The following PTRH1 variants were observed in gnomAD, a reference collection of about 807,000 sequenced individuals.
PTRH1 encodes peptidyl-tRNA hydrolase.
Under a neutral mutation model 15.7 loss-of-function variants are expected in PTRH1, and 13 were observed. The observed-to-expected ratio is 0.83, with a 90% CI of 0.54 to 1.31. The LOEUF (loss-of-function observed/expected upper bound fraction) is 1.31, where lower values mean the gene tolerates loss of function less well. Ranked by LOEUF, PTRH1 falls within the 40% of genes most tolerant of loss-of-function variation. The probability of loss-of-function intolerance (pLI) is 0.00; values close to 1 mark genes in which losing one functional copy is unlikely to be tolerated. For missense variants in PTRH1, 319 were observed against 296.2 expected (o/e 1.08, Z -0.56); for synonymous variants, 139 against 136.7 (o/e 1.02, Z -0.12).
chr9:127,711,401 C>A (rs1315778884), downstream of PTRH1: 1 of 1,614,204 alleles, frequency 6.2e-7, no homozygotes. Context: ...GGAGAATGAG[C>A]AGCTCAAGGG....
At chr9:127,708,795 A>G (rs1447683875) in intron 1 of PTRH1, among the ~76,000 whole-genome samples, 1 of 152,264 alleles carries the variant, frequency 6.6e-6, no homozygotes, top group Non-Finnish European at 1.5e-5. Context: ...AATGTGGCTC[A>G]GGGCCAAGAA....
downstream of PTRH1, chr9:127,709,458 G>A: frequency 1.2e-6 from 2 of 1,613,916 alleles, no homozygotes; most frequent in Non-Finnish European, 8.5e-7. This position sits in a 1 kb window ranked among gnomAD's most constrained non-coding sequence, Gnocchi z 4.7. Context: ...CTGTGCAGGA[G>A]AAGATGTTCC....
At chr9:127,706,947 T>G (rs536066815) in intron 1 of PTRH1, 24 of 1,519,494 alleles carry the variant, frequency 1.6e-5, no homozygotes, top group Middle Eastern at 3.5e-4. Context: ...CCTCACTCCC[T>G]CGGCCTGTTG....
At position 127,715,091 on chromosome 9, in the gene PTRH1, G is replaced by C; in HGVS notation, c.200C>G (p.Thr67Arg). Residue 67 changes from threonine (T) to arginine (R), a missense_variant, in exon 2 of 5, where the codon ACG becomes AGG. Thr to Arg is a moderately conservative substitution (Grantham distance 71). Transcript: ENST00000543175. This position sits in a 1 kb window ranked among gnomAD's most constrained non-coding sequence, Gnocchi z 5.8. ...ARRLGVAESW[T>R]RDRHCAADLA... ...GTCGGCGGCACAGTGCCGGTCGCGCGTCCAACTCTCCGCCACACCCAGCCG... is the reference window on the plus strand; with the variant it reads ...GTCGGCGGCACAGTGCCGGTCGCGCCTCCAACTCTCCGCCACACCCAGCCG... 6.5e-7 allele frequency: 1 copy of C among 1,532,734 alleles called. No individual in the cohort carries two copies. Among genetic ancestry groups the C allele is most frequent in the Non-Finnish European group, 8.7e-7 (1 of 1,145,564 alleles). The allele number at this position is 1,532,734 out of a possible 1,614,324, so 94.9% of individuals were successfully genotyped here. A position where few individuals can be genotyped will look rare whatever the true frequency, so the allele number is the denominator to read the frequency against.
exon 2 of PTRH1, chr9:127,695,053 T>TTGATGATGATGATGA (rs57076743): frequency 5.0e-4 from 335 of 671,810 alleles, no homozygotes; most frequent in African/African-American, 4.9e-3. Flanking sequence ...GGCTCAGCCA[T>TTGATGATGATGATGA]TGATGATGAT....
At chr9:127,697,495 A>G (rs549061984) in intron 1 of PTRH1, among the ~76,000 whole-genome samples, 2 of 152,124 alleles carry the variant, frequency 1.3e-5, no homozygotes, top group African/African-American at 4.8e-5. Flanking sequence ...CCCCATCTCT[A>G]CAAAAAAAAA....
chr9:127,700,486 C>A (rs993599864), intron 1 of PTRH1, among the ~76,000 whole-genome samples: 1 of 152,116 alleles, frequency 6.6e-6, no homozygotes, highest in Non-Finnish European at 1.5e-5. Flanking sequence ...CCCAGAAAAA[C>A]CTTAAAAACA....
At chr9:127,707,530 C>A (rs1442265089) in intron 1 of PTRH1, among the ~76,000 whole-genome samples, 5 of 152,132 alleles carry the variant, frequency 3.3e-5, no homozygotes, top group Admixed American at 2.0e-4. Context: ...AGCCCTCTGG[C>A]AGGCGGGTGG....
intron 1 of PTRH1, chr9:127,695,307 A>G: frequency 1.7e-6 from 1 of 585,914 alleles, no homozygotes; most frequent in Non-Finnish European, 3.0e-6. Flanking sequence ...ACACTTAACA[A>G]TGAGTGAAAA....
chr9:127,712,214 G>C (rs1842782199), downstream of PTRH1: 1 of 1,613,866 alleles, frequency 6.2e-7, no homozygotes, highest in Non-Finnish European at 8.5e-7. Context: ...AGAGAGACCA[G>C]CTGAGCCTGC....
chr9:127,714,614 C>G lies in PTRH1; in HGVS notation c.405G>C (p.Gly135=). Residue 135 remains glycine, a synonymous_variant, in exon 3 of 5, where the codon GGG becomes GGC. Coordinates refer to ENST00000543175, the MANE Select transcript of PTRH1 (RefSeq NM_001002913.3). ...KPLGRLALKL[G]GSARGHNGVR... ...TCTCAGGACCTCACCTGGCACTGCC[C>G]CCCAGCTTCAGAGCCAGTCTCCCCA... The G allele has an allele frequency of 6.2e-7, 1 of 1,613,892 alleles. No homozygotes were observed. Among genetic ancestry groups the G allele is most frequent in the Non-Finnish European group, 8.5e-7 (1 of 1,179,832 alleles).
chr9:127,713,629 C>G (rs1325866164), downstream of PTRH1: 1 of 463,144 alleles, frequency 2.2e-6, no homozygotes, highest in East Asian at 4.4e-5. Context: ...GCCTCAGTCT[C>G]CCAAGTAGCA....
chr9:127,694,991 T>C lies in PTRH1; in HGVS notation c.356A>G (p.Tyr119Cys), dbSNP rs760624638. 18 of 702,832 alleles carry C rather than the reference T, an allele frequency of 2.6e-5. No homozygotes were observed. In the African/African-American group the frequency reaches 2.8e-4, roughly 11 times the overall value. 43.5% of individuals were successfully genotyped at this position (702,832 alleles called of 1,614,324 possible). The change falls in exon 2 of 3, where the codon TAC becomes TGC. Residue 119 changes from tyrosine to cysteine, a missense_variant. By Grantham distance (194) the Tyr-to-Cys change is radical. Coordinates refer to the PTRH1 transcript ENST00000335223. The stretch of plus-strand genomic sequence containing the variant: ...TGACAGGTGACTTTGTTCCCTCCTG[T>C]AGTGCCCGTGGAGGCGGGAAGCTGA...
downstream of PTRH1, chr9:127,712,590 G>A: frequency 6.3e-7 from 1 of 1,577,630 alleles, no homozygotes; most frequent in Non-Finnish European, 8.6e-7. Context: ...CTGAAGAATG[G>A]GTATCCCACC....
At chr9:127,709,906 G>A (rs1451171753), downstream of PTRH1, among the ~76,000 whole-genome samples, 1 of 152,196 alleles carries the variant, frequency 6.6e-6, no homozygotes, top group African/African-American at 2.4e-5. This position sits in a 1 kb window ranked among gnomAD's most constrained non-coding sequence, Gnocchi z 4.7. Context: ...CGTGACCAAG[G>A]TCCCCCAGTT....
At chr9:127,702,087 A>C (rs536768768) in intron 1 of PTRH1, among the ~76,000 whole-genome samples, 13 of 150,930 alleles carry the variant, frequency 8.6e-5, no homozygotes, top group Non-Finnish European at 1.8e-4. Flanking sequence ...AATTAGCCAG[A>C]GGTAGGCTGG....
downstream of PTRH1, chr9:127,712,440 A>G (rs1842788407): frequency 6.6e-7 from 1 of 1,521,556 alleles, no homozygotes; most frequent in Admixed American, 2.1e-5. Context: ...CCTCAGGATC[A>G]GAGGCCCCTC....
rs772492545 is a variant in PTRH1, at chr9:127,714,200, G to A, written c.545C>T (p.Pro182Leu). 13 of 1,613,838 alleles carry A rather than the reference G, an allele frequency of 8.1e-6. No homozygotes were observed. The highest frequency in any genetic ancestry group is 4.4e-5 in the South Asian group (4 of 91,088). ...VQAHVLGCFSPAEQELLPLLL... is the reference protein window; with the variant it reads ...VQAHVLGCFSLAEQELLPLLL... ...CAGAGGCAGCAGCTCCTGCTCAGCAGGGGAGAAGCAGCCCAGCACATGGGC... is the reference window on the plus strand; with the variant it reads ...CAGAGGCAGCAGCTCCTGCTCAGCAAGGGAGAAGCAGCCCAGCACATGGGC... Residue 182 changes from proline to leucine, a missense_variant, in exon 5 of 5, where the codon CCT becomes CTT. Physicochemically the swap from Pro to Leu is moderately conservative, Grantham distance 98. Coordinates refer to ENST00000543175, the MANE Select transcript of PTRH1 (RefSeq NM_001002913.3).
In PTRH1 at chr9:127,706,488, G is replaced by C. The variant is rs984667080; in HGVS notation, c.205+8947C>G. 8.5e-5 allele frequency among the ~76,000 whole-genome samples: 13 copies of C among 152,284 alleles called. No homozygotes were observed. In the East Asian group the frequency reaches 2.5e-3, roughly 29 times the overall value. The stretch of plus-strand genomic sequence containing the variant: ...CGCTGTCCCACGGAGTGAGTGCCTG[G>C]GCTGGTGGGGAACACAGGCAGGCAC... On this transcript the variant is annotated intron_variant, in intron 1 of 2. Coordinates refer to the PTRH1 transcript ENST00000335223.
Sources: allele counts gnomAD v4.1 joint callset (sites outside exome capture counted in the v4.1 genomes callset), GRCh38; gene constraint gnomAD v4.1.1; non-coding constraint Gnocchi (gnomAD v3.1); transcripts MANE v1.5; gene names NCBI Gene and HGNC (gene_info 2026-07-23, HGNC 2026-07-21).